The following TOM1 variants were observed in gnomAD, a reference collection of about 807,000 sequenced individuals.
The protein encoded by TOM1 is target of myb1 membrane trafficking protein, also known as target of Myb protein 1.
In TOM1, 38 loss-of-function variants were observed where a neutral mutation model predicts 61.3. That is an observed-to-expected ratio of 0.62 (90% CI 0.48 to 0.81). TOM1 has a LOEUF of 0.81. Ranked by LOEUF, TOM1 falls within the 40% of genes least tolerant of loss-of-function variation. TOM1 has a pLI of 0.00. For synonymous variants in TOM1, 270 were observed against 268.8 expected, an observed-to-expected ratio of 1.00 and a Z score of -0.04; for missense variants, 591 against 659.6, an observed-to-expected ratio of 0.90 and a Z score of 1.14.
chr22:35,299,812 GCCACC>G, upstream of TOM1: 1 of 1,233,284 alleles, frequency 8.1e-7, no homozygotes, highest in Non-Finnish European at 1.1e-6. Context: ...GCTTCGCGGT[GCCACC>G]GCCCCGCCCA....
intron 1 of TOM1, among the ~76,000 whole-genome samples, chr22:35,311,595 C>T (rs112823782): frequency 0.027 from 4,172 of 152,318 alleles, 108 homozygotes; most frequent in Admixed American, 0.077. Flanking sequence ...GTATGTAATG[C>T]CCCCCTCTGC....
In TOM1 at chr22:35,314,579, C is replaced by G. The variant is rs182301203; in HGVS notation, c.53-3298C>G. Among the ~76,000 whole-genome samples the G allele has an allele frequency of 1.7e-4, 26 of 152,282 alleles. No homozygotes were observed. In the South Asian group the frequency reaches 4.6e-3, roughly 27 times the overall value. The stretch of plus-strand genomic sequence containing the variant: ...AAAACAACCACAGCCTCTCCTGAAA[C>G]ACTGATGTTCCCTCCTCCAGGAGAT... On this transcript the variant is annotated intron_variant, in intron 1 of 14. Coordinates refer to ENST00000449058, the MANE Select transcript of TOM1 (RefSeq NM_005488.3).
rs139098897 is a variant in TOM1 at position 35,338,744 on chromosome 22, G to A, written c.1180G>A (p.Gly394Ser). The change falls in exon 12 of 15, where the codon GGC becomes AGC. Residue 394 changes from glycine (G) to serine (S), a missense_variant. Coordinates refer to ENST00000449058, the MANE Select transcript of TOM1 (RefSeq NM_005488.3). Reference protein sequence around the residue: ...VKYEAPQATDGLAGALDARQQ... With the variant: ...VKYEAPQATDSLAGALDARQQ... ...ATACGAAGCCCCCCAAGCAACAGAC[G>A]GCCTGGCTGGAGCCCTGGACGCCCG... 53 of 1,599,680 alleles carry A rather than the reference G, an allele frequency of 3.3e-5. No individual in the cohort carries two copies. The East Asian group carries it at 4.1e-4, about 12-fold the overall frequency.
At chr22:35,302,494 A>T (rs1925926171) in intron 1 of TOM1, among the ~76,000 whole-genome samples, 1 of 150,362 alleles carries the variant, frequency 6.7e-6, no homozygotes, top group South Asian at 2.1e-4. Flanking sequence ...GCTCCGCCAC[A>T]CCCGACTAAT....
intron 11 of TOM1, among the ~76,000 whole-genome samples, chr22:35,334,771 A>G (rs188690755): frequency 1.3e-5 from 2 of 152,214 alleles, no homozygotes; most frequent in East Asian, 3.9e-4. Context: ...AGGAGCTAAT[A>G]TTTGGCAGCA....
Position 35,346,959 on chromosome 22 carries a change from C to T in TOM1, c.1314C>T (p.Val438=). The change falls in exon 14 of 15, where the codon GTC becomes GTT. Residue 438 remains valine (V), a synonymous_variant. Transcript: ENST00000449058. ...VGNDAEEPKG[V]TSEEFDKFLE... is the part of the protein sequence containing the mutation. ...ATGATGCGGAAGAGCCTAAGGGGGT[C>T]ACCAGCGAAGGTAGTAGTCCCCGCC... 1 of 1,612,830 alleles carries T rather than the reference C, an allele frequency of 6.2e-7. No homozygotes were observed. Among genetic ancestry groups the T allele is most frequent in the Non-Finnish European group, 8.5e-7 (1 of 1,179,536 alleles).
chr22:35,301,814 A>G (rs1925826767), intron 1 of TOM1, among the ~76,000 whole-genome samples: 2 of 151,592 alleles, frequency 1.3e-5, no homozygotes, highest in East Asian at 1.9e-4. Context: ...CCCTCCCCGG[A>G]CACACACCCA....
intron 1 of TOM1, among the ~76,000 whole-genome samples, chr22:35,300,222 T>C (rs1258271187): frequency 1.3e-5 from 2 of 152,192 alleles, no homozygotes; most frequent in East Asian, 1.9e-4. Context: ...AGAGGGTGGG[T>C]CCGGATGCCC....
chr22:35,327,284 G>T lies in TOM1; in HGVS notation c.662G>T (p.Arg221Leu). 2 of 1,613,984 alleles carry T rather than the reference G, an allele frequency of 1.2e-6. No homozygotes were observed. Among genetic ancestry groups the T allele is most frequent in the Non-Finnish European group, 8.5e-7 (1 of 1,179,952 alleles). ...TGTGTGTTTCAGATTGGGAAGCTGC[G>T]CAGTGAGCTGGAGATGGTGAGTGGG... ...APTPEQIGKL[R>L]SELEMVSGNV... The change falls in exon 7 of 15, where the codon CGC becomes CTC. Residue 221 changes from arginine to leucine, a missense_variant. By Grantham distance (102) the Arg-to-Leu change is moderately radical (BLOSUM62 -2). Transcript: ENST00000449058.
At chr22:35,316,598 A>G (rs1927305284) in intron 1 of TOM1, among the ~76,000 whole-genome samples, 2 of 152,208 alleles carry the variant, frequency 1.3e-5, no homozygotes. Context: ...CATGGCCCTG[A>G]CAGGCTTCCA....
Position 35,346,986 on chromosome 22 carries a change from C to A in TOM1, c.1324+17C>A. ...CCAGCGAAGGTAGTAGTCCCCGCCC[C>A]TGCCCGCCCTCTCCTTTCCCCAGGG... On this transcript the variant is annotated intron_variant, in intron 14 of 14. Transcript: ENST00000449058. 1 of 1,608,438 alleles carries A rather than the reference C, an allele frequency of 6.2e-7. No individual in the cohort carries two copies. The highest frequency in any genetic ancestry group is 2.3e-5 in the East Asian group (1 of 44,438).
intron 1 of TOM1, among the ~76,000 whole-genome samples, chr22:35,313,342 C>T (rs1927001114): frequency 1.3e-5 from 2 of 148,948 alleles, no homozygotes; most frequent in Non-Finnish European, 3.0e-5. Flanking sequence ...ACGAGACTGT[C>T]TCAAAAAAAA....
intron 1 of TOM1, among the ~76,000 whole-genome samples, chr22:35,306,120 T>C: frequency 6.6e-6 from 1 of 150,726 alleles, no homozygotes; most frequent in South Asian, 2.1e-4. Flanking sequence ...TTTTCACATA[T>C]CATGAAATAT....
chr22:35,299,912 C>T lies in TOM1; in HGVS notation c.-17C>T, dbSNP rs200380444. ...GTCAGCTGATTCCCGGGGTTGGTGGCAGCGGCGGTAGCAGCAATGGACTTT... is the reference window on the plus strand; with the variant it reads ...GTCAGCTGATTCCCGGGGTTGGTGGTAGCGGCGGTAGCAGCAATGGACTTT... On this transcript the variant is annotated 5_prime_UTR_variant, in exon 1 of 15. Coordinates refer to ENST00000449058, the MANE Select transcript of TOM1 (RefSeq NM_005488.3). The T allele has an allele frequency of 2.3e-4, 364 of 1,577,160 alleles. 1 individual carries two copies. In the African/African-American group the frequency reaches 4.6e-3, roughly 20 times the overall value.
At chr22:35,302,730 A>G (rs1418692469) in intron 1 of TOM1, among the ~76,000 whole-genome samples, 1 of 152,192 alleles carries the variant, frequency 6.6e-6, no homozygotes, top group Non-Finnish European at 1.5e-5. Context: ...AGAGAGGGGA[A>G]AGTGGAGGCT....
intron 12 of TOM1, among the ~76,000 whole-genome samples, chr22:35,343,563 ACAC>A (rs1454760599): frequency 1.4e-4 from 19 of 132,474 alleles, no homozygotes; most frequent in African/African-American, 3.8e-4. Context: ...ACACCTACAC[ACAC>A]CACACCTACA....
At position 35,300,793 on chromosome 22, in the gene TOM1, C is replaced by T. The variant is rs1302256474; in HGVS notation, c.52+813C>T. ...CCGAGGTTTCCTCACCTGTAGTTGG[C>T]GGGCAATAATGGTCCCCACCTCCGT... On this transcript the variant is annotated intron_variant, in intron 1 of 14. Transcript: ENST00000449058. Among the ~76,000 whole-genome samples, 10 of 152,270 alleles carry T rather than the reference C, an allele frequency of 6.6e-5. No individual in the cohort carries two copies. The East Asian group carries it at 1.7e-3, about 26-fold the overall frequency.
intron 1 of TOM1, among the ~76,000 whole-genome samples, chr22:35,312,827 G>C (rs1926952722): frequency 6.6e-6 from 1 of 152,226 alleles, no homozygotes. Context: ...CCCCTGGAGA[G>C]TTCAGGCTTT....
chr22:35,332,319 G>C (rs1569033482), intron 8 of TOM1, among the ~76,000 whole-genome samples: 1 of 152,156 alleles, frequency 6.6e-6, no homozygotes, highest in Admixed American at 6.5e-5. Flanking sequence ...ATATCTGACT[G>C]TGCTTTCAAG....
Sources: gnomAD v4.1 joint callset for allele counts (sites outside exome capture counted in the v4.1 genomes callset) on GRCh38, gnomAD v4.1.1 for gene constraint, MANE v1.5 for transcripts, NCBI Gene and HGNC (gene_info 2026-07-23, HGNC 2026-07-21) for gene names.